Variants in PIGK observed in about 807,000 individuals in gnomAD.
PIGK encodes phosphatidylinositol glycan anchor biosynthesis class K.
A neutral mutation model predicts 50.6 loss-of-function variants in PIGK; 42 were observed. The observed-to-expected ratio is 0.83, with a 90% CI of 0.65 to 1.07. The LOEUF (loss-of-function observed/expected upper bound fraction) is 1.07, where lower values mean the gene tolerates loss of function less well. Ranked by LOEUF, PIGK falls within the 50% of genes least tolerant of loss-of-function variation. The pLI, the probability that PIGK is intolerant of heterozygous loss-of-function variation, is 0.00. For synonymous variants in PIGK, 151 were observed against 156.0 expected, an observed-to-expected ratio of 0.97 and a Z score of 0.24; for missense variants, 448 against 488.7, an observed-to-expected ratio of 0.92 and a Z score of 0.78.
intron 2 of PIGK, among the ~76,000 whole-genome samples, chr1:77,209,753 G>A (rs839808): frequency 0.17 from 26,010 of 151,952 alleles, 3,775 homozygotes; most frequent in African/African-American, 0.4. Context: ...AAGATTATAT[G>A]TCTCCATACC....
intron 9 of PIGK, among the ~76,000 whole-genome samples, chr1:77,124,117 C>T (rs1356424048): frequency 6.6e-6 from 1 of 152,080 alleles, no homozygotes; most frequent in African/African-American, 2.4e-5. Context: ...TGAGGAAATA[C>T]ATTTATGTTG....
rs140814093 is a variant in PIGK, at chr1:77,115,248, A to G, written c.1071+7027T>C. On this transcript the variant is annotated intron_variant, in intron 10 of 10. Transcript: ENST00000370812. Reference sequence around the variant, plus strand: ...CCCGGGACAACATTTCAGGATGCAGAAAAGTGAGAAGAGATTCTCAACTAT... The same window carrying G: ...CCCGGGACAACATTTCAGGATGCAGGAAAGTGAGAAGAGATTCTCAACTAT... Among the ~76,000 whole-genome samples the G allele has an allele frequency of 2.6e-3, 390 of 152,338 alleles. 2 individuals are homozygous for G. Among genetic ancestry groups the G allele is most frequent in the African/African-American group, 8.3e-3 (346 of 41,592 alleles).
At chr1:77,123,491 A>G (rs1208525685) in intron 9 of PIGK, among the ~76,000 whole-genome samples, 1 of 152,154 alleles carries the variant, frequency 6.6e-6, no homozygotes. Context: ...AAGTTTGTGG[A>G]TATCTTGCAG....
At chr1:77,151,523 G>A (rs1286342729) in intron 9 of PIGK, among the ~76,000 whole-genome samples, 1 of 152,008 alleles carries the variant, frequency 6.6e-6, no homozygotes, top group East Asian at 1.9e-4. Flanking sequence ...AAAGAAATAA[G>A]GCGTGTCCAA....
chr1:77,148,434 T>C lies in PIGK; in HGVS notation c.986+6015A>G, dbSNP rs187061057. 4.7e-4 allele frequency among the ~76,000 whole-genome samples: 72 copies of C among 152,332 alleles called. 1 individual carries two copies. Among genetic ancestry groups the C allele is most frequent in the African/African-American group, 1.6e-3 (68 of 41,574 alleles). On this transcript the variant is annotated intron_variant, in intron 9 of 10. Coordinates refer to ENST00000370812, the MANE Select transcript of PIGK (RefSeq NM_005482.3). ...CAGTGCTTGATATCTGGCTGTGATATTTAAAGTAATTTTCTCCTTGATTAA... is the reference window on the plus strand; with the variant it reads ...CAGTGCTTGATATCTGGCTGTGATACTTAAAGTAATTTTCTCCTTGATTAA...
chr1:77,198,334 T>C (rs1030994496), intron 3 of PIGK, among the ~76,000 whole-genome samples: 1 of 152,094 alleles, frequency 6.6e-6, no homozygotes, highest in African/African-American at 2.4e-5. Context: ...CTCTCAATAA[T>C]ACATTTTTCT....
At chr1:77,130,286 C>T (rs1332990300) in intron 9 of PIGK, among the ~76,000 whole-genome samples, 10 of 90,140 alleles carry the variant, frequency 1.1e-4, no homozygotes, top group African/African-American at 1.5e-4. Flanking sequence ...ACACCTTTCC[C>T]TACTCCTAAG....
chr1:77,117,230 T>C (rs1653998556), intron 10 of PIGK, among the ~76,000 whole-genome samples: 2 of 152,330 alleles, frequency 1.3e-5, no homozygotes, highest in Non-Finnish European at 2.9e-5. Flanking sequence ...CCCCTCAGGA[T>C]TTTTGGTTTG....
At chr1:77,114,903 ATT>A (rs1653928604) in intron 10 of PIGK, among the ~76,000 whole-genome samples, 1 of 152,142 alleles carries the variant, frequency 6.6e-6, no homozygotes, top group African/African-American at 2.4e-5. Context: ...GCGCTACAAG[ATT>A]TTAAAGCAAT....
intron 4 of PIGK, among the ~76,000 whole-genome samples, 195 bp from the exon 5 acceptor site, chr1:77,167,025 T>C (rs1570236933): frequency 6.6e-6 from 1 of 152,342 alleles, no homozygotes. Context: ...GTAACTTTGT[T>C]ACTATTTTTA....
chr1:77,180,377 T>TATTA (rs34245937), intron 3 of PIGK, among the ~76,000 whole-genome samples: 29,999 of 151,948 alleles, frequency 0.2, 3,872 homozygotes, highest in African/African-American at 0.37. Flanking sequence ...CATGCATTCC[T>TATTA]ATTAGTTAAA....
At chr1:77,189,726 TATATATATATATATATATATATACACAC>T (rs1655846996) in intron 3 of PIGK, among the ~76,000 whole-genome samples, 4 of 64,278 alleles carry the variant, frequency 6.2e-5, no homozygotes, top group South Asian at 7.9e-4. Context: ...TATATATATA[TATATATATATATATATATATATACACAC>T]ACACACACAC....
intron 10 of PIGK, among the ~76,000 whole-genome samples, chr1:77,116,415 G>A (rs962586796): frequency 1.3e-5 from 2 of 151,954 alleles, no homozygotes; most frequent in Admixed American, 6.6e-5. Flanking sequence ...TCGATCTCCT[G>A]ACCTCGTGAT....
Position 77,116,277 on chromosome 1 carries a change from G to C in PIGK, c.1071+5998C>G, listed in dbSNP as rs1258854283. On this transcript the variant is annotated intron_variant, in intron 10 of 10. Transcript: ENST00000370812. ...CGGCTCACTGAAAGCTCCACCTCCC[G>C]GGTTCACACCATTCTCCTGCCTCAG... Among the ~76,000 whole-genome samples the C allele has an allele frequency of 2.6e-5, 4 of 151,906 alleles. No homozygotes were observed. The East Asian group carries it at 7.8e-4, about 29-fold the overall frequency.
chr1:77,143,280 T>C (rs565573320), intron 9 of PIGK, among the ~76,000 whole-genome samples: 2 of 152,236 alleles, frequency 1.3e-5, no homozygotes, highest in Admixed American at 6.5e-5. Context: ...TTTAATAACA[T>C]GGAAACTAAT....
At chr1:77,193,369 C>T (rs72992569) in intron 3 of PIGK, among the ~76,000 whole-genome samples, 315 of 151,752 alleles carry the variant, frequency 2.1e-3, no homozygotes, top group African/African-American at 7.3e-3. Context: ...TCCACCTTTG[C>T]GTAGAAGTTA....
At chr1:77,139,342 A>G (rs1654592883) in intron 9 of PIGK, among the ~76,000 whole-genome samples, 2 of 151,774 alleles carry the variant, frequency 1.3e-5, no homozygotes, top group Admixed American at 1.3e-4. Context: ...AAAAAGACCA[A>G]TAGCAGGATA....
chr1:77,217,986 T>C (rs61782946), intron 1 of PIGK, among the ~76,000 whole-genome samples: 5,076 of 152,338 alleles, frequency 0.033, 127 homozygotes, highest in Middle Eastern at 0.088. Flanking sequence ...CTCATATTTA[T>C]GTTCTCTAAA....
intron 1 of PIGK, among the ~76,000 whole-genome samples, chr1:77,216,977 G>A (rs1015360776): frequency 6.6e-6 from 1 of 152,116 alleles, no homozygotes; most frequent in African/African-American, 2.4e-5. Context: ...CACCTATTAT[G>A]TGCCAGATAC....
Sources: gnomAD v4.1 joint callset for allele counts (sites outside exome capture counted in the v4.1 genomes callset) on GRCh38, gnomAD v4.1.1 for gene constraint, MANE v1.5 for transcripts, NCBI Gene and HGNC (gene_info 2026-07-23, HGNC 2026-07-21) for gene names.